Variants in STK3 observed in about 807,000 individuals in gnomAD.
The protein encoded by STK3 is serine/threonine-protein kinase 3.
Under a neutral mutation model 58.0 loss-of-function variants are expected in STK3, and 41 were observed. The observed-to-expected ratio is 0.71, with a 90% CI of 0.55 to 0.92. STK3 has a LOEUF of 0.92. Ranked by LOEUF, STK3 falls within the 40% of genes least tolerant of loss-of-function variation. The pLI, the probability that STK3 is intolerant of heterozygous loss-of-function variation, is 0.00. For missense variants in STK3, 479 were observed against 602.7 expected (o/e 0.79, Z 2.15); for synonymous variants, 170 against 191.0 (o/e 0.89, Z 0.91).
chr8:98,604,458 C>G (rs1300288975), intron 6 of STK3, among the ~76,000 whole-genome samples: 3 of 152,186 alleles, frequency 2.0e-5, no homozygotes, highest in African/African-American at 7.2e-5. Flanking sequence ...GTAGCTCTAT[C>G]TGGAGGGGTC....
intron 4 of STK3, among the ~76,000 whole-genome samples, chr8:98,716,329 A>G (rs974707324): frequency 6.6e-6 from 1 of 152,124 alleles, no homozygotes; most frequent in Non-Finnish European, 1.5e-5. Flanking sequence ...GCAGTATACA[A>G]AATCAACCCA....
chr8:98,795,052 G>C (rs1833040743), intron 1 of STK3, among the ~76,000 whole-genome samples: 1 of 95,870 alleles, frequency 1.0e-5, no homozygotes, highest in African/African-American at 4.2e-5. Flanking sequence ...TGCGCAACAA[G>C]AGCCAGACAA....
intron 3 of STK3, among the ~76,000 whole-genome samples, chr8:98,417,498 A>C (rs1818128317): frequency 6.7e-6 from 1 of 148,866 alleles, no homozygotes; most frequent in African/African-American, 2.5e-5. Context: ...TGGGTGACAG[A>C]GCGAGACTCT....
downstream of STK3, among the ~76,000 whole-genome samples, chr8:98,450,508 G>T (rs978556041): frequency 6.6e-6 from 1 of 152,122 alleles, no homozygotes; most frequent in Admixed American, 6.5e-5. Context: ...GAACAACTGG[G>T]ATTTGAACCC....
intron 3 of STK3, among the ~76,000 whole-genome samples, chr8:98,755,504 G>A (rs1157179905): frequency 6.6e-6 from 1 of 152,216 alleles, no homozygotes; most frequent in East Asian, 1.9e-4. Flanking sequence ...GGTAGCCTCT[G>A]AGACTTGGAA....
chr8:98,446,427 G>C (rs1818952396), intron 1 of STK3, among the ~76,000 whole-genome samples: 1 of 152,196 alleles, frequency 6.6e-6, no homozygotes, highest in Non-Finnish European at 1.5e-5. Context: ...GTACTCATGG[G>C]TGCCAGGTAG....
chr8:98,744,348 T>C (rs1346120158), intron 4 of STK3, among the ~76,000 whole-genome samples: 1 of 151,930 alleles, frequency 6.6e-6, no homozygotes, highest in Non-Finnish European at 1.5e-5. Context: ...CCAACAATGA[T>C]AGACTGGATT....
intron 6 of STK3, among the ~76,000 whole-genome samples, chr8:98,679,738 A>T (rs897637516): frequency 6.6e-6 from 1 of 152,226 alleles, no homozygotes. Context: ...TCTCAGTTAC[A>T]GTAATAGTTG....
At chr8:98,701,629 A>AAT (rs67212837) in intron 6 of STK3, among the ~76,000 whole-genome samples, 94 of 142,330 alleles carry the variant, frequency 6.6e-4, no homozygotes, top group East Asian at 4.3e-3. Flanking sequence ...CTCAAAAAAA[A>AAT]ATATATATAT....
At chr8:98,830,169 A>G (rs563663297), upstream of STK3, among the ~76,000 whole-genome samples, 2 of 152,266 alleles carry the variant, frequency 1.3e-5, no homozygotes, top group African/African-American at 4.8e-5. Context: ...CAGAGGTTGC[A>G]GTGAGCCAAG....
chr8:98,403,719 C>T (rs1817966629), intron 3 of STK3, among the ~76,000 whole-genome samples: 1 of 152,196 alleles, frequency 6.6e-6, no homozygotes, highest in African/African-American at 2.4e-5. Context: ...GGCAGAGTCA[C>T]ACACTACTCT....
intron 3 of STK3, among the ~76,000 whole-genome samples, chr8:98,406,214 TC>T (rs1019120961): frequency 2.0e-5 from 3 of 152,070 alleles, no homozygotes; most frequent in African/African-American, 4.8e-5. Flanking sequence ...TTACTTATCT[TC>T]CCCCCAGGCA....
At chr8:98,733,209 G>A (rs1046154171) in intron 4 of STK3, among the ~76,000 whole-genome samples, 2 of 152,002 alleles carry the variant, frequency 1.3e-5, no homozygotes, top group African/African-American at 2.4e-5. Context: ...AACAGTGAAC[G>A]AAAAAAGAAA....
intron 1 of STK3, among the ~76,000 whole-genome samples, chr8:98,387,954 G>A (rs1322468720): frequency 6.6e-6 from 1 of 150,530 alleles, no homozygotes; most frequent in Non-Finnish European, 1.5e-5. Flanking sequence ...AAAGACTATG[G>A]CAATCACAAC....
At chr8:98,375,952 T>C (rs921121989) in intron 2 of STK3, among the ~76,000 whole-genome samples, 29 of 152,352 alleles carry the variant, frequency 1.9e-4, no homozygotes, top group African/African-American at 6.5e-4. Flanking sequence ...GGGGTGGGGT[T>C]ATTGGGATGT....
chr8:98,533,771 T>TG, intron 9 of STK3, among the ~76,000 whole-genome samples: 1 of 152,336 alleles, frequency 6.6e-6, no homozygotes, highest in Non-Finnish European at 1.5e-5. Context: ...ATCACAGGTG[T>TG]GGGCCACCAT....
intron 3 of STK3, among the ~76,000 whole-genome samples, chr8:98,416,756 G>A (rs915463698): frequency 2.0e-5 from 3 of 152,222 alleles, no homozygotes; most frequent in Admixed American, 6.5e-5. Flanking sequence ...TGAGTCACAC[G>A]TAAGCAGAGA....
At chr8:98,346,550 G>A in the STK3 span, among the ~76,000 whole-genome samples, 1 of 151,848 alleles carries the variant, frequency 6.6e-6, no homozygotes, top group Non-Finnish European at 1.5e-5. Flanking sequence ...AGTATAAAAT[G>A]TGTCAAAAAC....
At chr8:98,609,299 A>G (rs1816995309) in intron 6 of STK3, among the ~76,000 whole-genome samples, 1 of 152,216 alleles carries the variant, frequency 6.6e-6, no homozygotes. Flanking sequence ...TTAATGTTTA[A>G]TTTTAGAATA....
Sources: gnomAD v4.1 joint callset for allele counts (sites outside exome capture counted in the v4.1 genomes callset) on GRCh38, gnomAD v4.1.1 for gene constraint, MANE v1.5 for transcripts, NCBI Gene and HGNC (gene_info 2026-07-23, HGNC 2026-07-21) for gene names.